MRI1: variants seen among roughly 807,000 people sequenced by gnomAD.
MRI1 encodes methylthioribose-1-phosphate isomerase 1, also known as methylthioribose-1-phosphate isomerase.
In MRI1, 32 loss-of-function variants were observed where a neutral mutation model predicts 27.3. The observed-to-expected ratio is 1.17, with a 90% CI of 0.88 to 1.57. The LOEUF (loss-of-function observed/expected upper bound fraction) is 1.57. MRI1 is among the 40% of genes most tolerant of loss of function. The probability of loss-of-function intolerance (pLI) is 0.00; values close to 1 mark genes in which losing one functional copy is unlikely to be tolerated. For missense variants in MRI1, 508 were observed against 516.1 expected, an observed-to-expected ratio of 0.98 and a Z score of 0.15; for synonymous variants, 216 against 227.4, an observed-to-expected ratio of 0.95 and a Z score of 0.45.
At chr19:13,770,808 G>A (rs1315062622) in intron 5 of MRI1, among the ~76,000 whole-genome samples, 4 of 151,966 alleles carry the variant, frequency 2.6e-5, no homozygotes, top group Non-Finnish European at 5.9e-5. Flanking sequence ...GCTTGAACCC[G>A]GGAGGCGGAG....
rs1015221494 is a variant in MRI1, at chr19:13,770,350, G to A, written c.949+1302G>A. ...CTATAATCCCAACACTTTGGGAGGC[G>A]GAGGTGGGCGGATCACTTGAGGTCA... On this transcript the variant is annotated intron_variant, in intron 5 of 5. Transcript: ENST00000040663. 4.6e-5 allele frequency among the ~76,000 whole-genome samples: 7 copies of A among 151,974 alleles called. No individual in the cohort carries two copies. In the South Asian group the frequency reaches 6.2e-4, roughly 14 times the overall value.
At position 13,768,664 on chromosome 19, in the gene MRI1, C is replaced by T; in HGVS notation, c.651C>T (p.Val217=). ...QGARLTAFEL[V]YEQIPATLIT... ...CCCGGCTGACGGCCTTTGAGCTGGT[C>T]TATGAGCAGATCCCCGCCACCCTTA... Residue 217 remains valine, a synonymous_variant, in exon 4 of 6, where the codon GTC becomes GTT. Coordinates refer to ENST00000040663, the MANE Select transcript of MRI1 (RefSeq NM_001031727.4). 6.2e-7 allele frequency: 1 copy of T among 1,613,972 alleles called. No homozygotes were observed. Among genetic ancestry groups the T allele is most frequent in the Non-Finnish European group, 8.5e-7 (1 of 1,180,012 alleles).
intron 5 of MRI1, among the ~76,000 whole-genome samples, chr19:13,770,782 C>T (rs1974253287): frequency 6.6e-6 from 1 of 152,018 alleles, no homozygotes. Context: ...ACTCAGGAGG[C>T]TGAGGCAGGA....
intron 3 of MRI1, 152 bp from the exon 4 acceptor site, chr19:13,768,409 A>G: frequency 1.3e-6 from 2 of 1,543,546 alleles, no homozygotes; most frequent in Non-Finnish European, 1.8e-6. Context: ...AGGCAGAGGG[A>G]ACTGCCACTG....
In MRI1 at chr19:13,768,949, T is replaced by C. The variant is rs764563972; in HGVS notation, c.850T>C (p.Ser284Pro). The change falls in exon 5 of 6, where the codon TCA (serine) becomes CCA (proline). Residue 284 changes from serine to proline, a missense_variant. Transcript: ENST00000040663. ...CTTCTACGTGGCTGCCCCCAGCTCT[T>C]CATGTGACCTCCGTCTGGAGACCGG... ...IPFYVAAPSS[S>P]CDLRLETGKE... 6.2e-7 allele frequency: 1 copy of C among 1,614,120 alleles called. No homozygotes were observed. Among genetic ancestry groups the C allele is most frequent in the South Asian group, 1.1e-5 (1 of 91,076 alleles).
In MRI1 at chr19:13,774,279, G is replaced by A. The variant is rs1444248972; in HGVS notation, c.*1998G>A. 1.8e-6 allele frequency: 1 copy of A among 562,754 alleles called. No homozygotes were observed. Among genetic ancestry groups the A allele is most frequent in the Non-Finnish European group, 3.1e-6 (1 of 319,140 alleles). 34.9% of individuals were successfully genotyped at this position (562,754 alleles called of 1,614,324 possible). The stretch of plus-strand genomic sequence containing the variant: ...TCTCAATAAACGTTAGCTTATCATT[G>A]TCACCGTTTTGTTCGTAATGTTTGA... On this transcript the variant is annotated 3_prime_UTR_variant, in exon 6 of 6. Coordinates refer to ENST00000040663, the MANE Select transcript of MRI1 (RefSeq NM_001031727.4).
rs761530124 is a variant in MRI1 at position 13,768,507 on chromosome 19, C to G, written c.548-54C>G. 3.1e-6 allele frequency: 5 copies of G among 1,593,424 alleles called. No homozygotes were observed. The South Asian group carries it at 3.4e-5, about 11-fold the overall frequency. On this transcript the variant is annotated intron_variant, in intron 3 of 5. Coordinates refer to ENST00000040663, the MANE Select transcript of MRI1 (RefSeq NM_001031727.4). The stretch of plus-strand genomic sequence containing the variant: ...CCTGCACCCCTAACCAATGGACCAC[C>G]CTGTCTGTTTGCCCCTCCCCGGGGC...
Position 13,768,338 on chromosome 19 carries a change from G to A in MRI1, c.548-223G>A, listed in dbSNP as rs372934503. Reference sequence around the variant, plus strand: ...CTGATATATCAGGGAAGGCTTCACCGAGAAGGTGTCCTTTAAACAGACGTG... The same window carrying A: ...CTGATATATCAGGGAAGGCTTCACCAAGAAGGTGTCCTTTAAACAGACGTG... On this transcript the variant is annotated intron_variant, in intron 3 of 5. Transcript: ENST00000040663. 134 of 1,206,064 alleles carry A rather than the reference G, an allele frequency of 1.1e-4. No individual in the cohort carries two copies. In the African/African-American group the frequency reaches 1.4e-3, roughly 13 times the overall value. 74.7% of individuals were successfully genotyped at this position (1,206,064 alleles called of 1,614,324 possible).
intron 5 of MRI1, among the ~76,000 whole-genome samples, chr19:13,771,510 G>A (rs1568311994): frequency 6.6e-6 from 1 of 152,020 alleles, no homozygotes; most frequent in Non-Finnish European, 1.5e-5. Flanking sequence ...CAGCCTGGGT[G>A]ACACAACGAG....
rs1170108927 is a variant in MRI1, at chr19:13,767,861, C to CTTTTTTTTTTTTTTTTT, written c.548-691_548-675dup. ...TCTTTTCAAGTATTTTCTTTCTTTCCTTTTTTTTTTTTTTTTTTTTTTTTT... is the reference window on the plus strand; with the variant it reads ...TCTTTTCAAGTATTTTCTTTCTTTCCTTTTTTTTTTTTTTTTTTTTTTTTTTTTTTTTTTTTTTTTTT... On this transcript the variant is annotated intron_variant, in intron 3 of 5. Coordinates refer to ENST00000040663, the MANE Select transcript of MRI1 (RefSeq NM_001031727.4). Among the ~76,000 whole-genome samples, 35 of 61,082 alleles carry CTTTTTTTTTTTTTTTTT rather than the reference C, an allele frequency of 5.7e-4. 1 individual carries two copies. The highest frequency in any genetic ancestry group is 8.1e-4 in the Non-Finnish European group (29 of 35,818). 40.1% of individuals were successfully genotyped at this position (61,082 alleles called of 152,430 possible). A position where few individuals can be genotyped will look rare whatever the true frequency, so the allele number is the denominator to read the frequency against.
At chr19:13,771,568 AT>A (rs1380210060) in intron 5 of MRI1, among the ~76,000 whole-genome samples, 3 of 152,008 alleles carry the variant, frequency 2.0e-5, no homozygotes, top group Non-Finnish European at 1.5e-5. Context: ...AACTAAAAAA[AT>A]AAGTGGGATG....
At position 13,769,063 on chromosome 19, in the gene MRI1, C is replaced by T; in HGVS notation, c.949+15C>T. ...TGCAGCACCTGGTAAGCTGCCCCCTCAGAAAGGGGACACCCCAGCTCCTGG... is the reference window on the plus strand; with the variant it reads ...TGCAGCACCTGGTAAGCTGCCCCCTTAGAAAGGGGACACCCCAGCTCCTGG... On this transcript the variant is annotated intron_variant, in intron 5 of 5. Transcript: ENST00000040663. The T allele has an allele frequency of 6.3e-7, 1 of 1,589,214 alleles. No individual in the cohort carries two copies. Among genetic ancestry groups the T allele is most frequent in the African/African-American group, 1.3e-5 (1 of 74,644 alleles).
chr19:13,768,904 G>A lies in MRI1; in HGVS notation c.805G>A (p.Ala269Thr), dbSNP rs777887853. 1.9e-5 allele frequency: 30 copies of A among 1,613,920 alleles called. No homozygotes were observed. The highest frequency in any genetic ancestry group is 6.7e-5 in the Admixed American group (4 of 59,990). ...KVGTYQLAIV[A>T]KHHGIPFYVA... The stretch of plus-strand genomic sequence containing the variant: ...GGGCACCTACCAGCTGGCCATTGTC[G>A]CCAAGCACCATGGCATTCCCTTCTA... The change falls in exon 5 of 6, where the codon GCC becomes ACC. Residue 269 changes from alanine (A) to threonine (T), a missense_variant. Transcript: ENST00000040663.
In MRI1 at chr19:13,765,074, A is replaced by G; in HGVS notation, c.336A>G (p.Glu112=). 1.3e-6 allele frequency: 2 copies of G among 1,531,342 alleles called. No individual in the cohort carries two copies. Among genetic ancestry groups the G allele is most frequent in the East Asian group, 2.5e-5 (1 of 39,484 alleles). 94.9% of individuals were successfully genotyped at this position (1,531,342 alleles called of 1,614,324 possible). ...DLADVAAREA[E]REGATEEAVR... Reference sequence around the variant, plus strand: ...CTGATGTTGCAGCCCGGGAGGCCGAACGGGAGGGCGCTACGGAAGAGGCGG... The same window carrying G: ...CTGATGTTGCAGCCCGGGAGGCCGAGCGGGAGGGCGCTACGGAAGAGGCGG... Residue 112 remains glutamate, a synonymous_variant, in exon 2 of 6, where the codon GAA becomes GAG. Coordinates refer to ENST00000040663, the MANE Select transcript of MRI1 (RefSeq NM_001031727.4).
intron 3 of MRI1, among the ~76,000 whole-genome samples, chr19:13,767,369 T>G (rs1398587767): frequency 6.6e-6 from 1 of 152,000 alleles, no homozygotes; most frequent in East Asian, 1.9e-4. Flanking sequence ...TTAAATCGTG[T>G]CTAGATTGCA....
At chr19:13,767,094 G>A (rs1974154506) in intron 3 of MRI1, among the ~76,000 whole-genome samples, 1 of 128,596 alleles carries the variant, frequency 7.8e-6, no homozygotes, top group Admixed American at 9.6e-5. Context: ...TGTCGCCCAG[G>A]CTGGTGCAGT....
At chr19:13,770,913 A>T (rs1974256175) in intron 5 of MRI1, among the ~76,000 whole-genome samples, 1 of 152,022 alleles carries the variant, frequency 6.6e-6, no homozygotes, top group Non-Finnish European at 1.5e-5. Context: ...CAGTTCATGA[A>T]ATATTAGCAT....
At chr19:13,767,195 A>C (rs1974156552) in intron 3 of MRI1, among the ~76,000 whole-genome samples, 1 of 150,982 alleles carries the variant, frequency 6.6e-6, no homozygotes, top group Admixed American at 6.6e-5. Context: ...TATAGGCGTG[A>C]GCCACTACGC....
intron 3 of MRI1, among the ~76,000 whole-genome samples, chr19:13,767,023 ATATATATATATATATTTTTTTTTTT>A (rs1157268996): frequency 1.0e-3 from 13 of 12,950 alleles, no homozygotes; most frequent in African/African-American, 5.1e-3. Context: ...ATATATATAT[ATATATATATATATATTTTTTTTTTT>A]TTTTTTTTTT....
Sources: gnomAD v4.1 joint callset for allele counts (sites outside exome capture counted in the v4.1 genomes callset) on GRCh38, gnomAD v4.1.1 for gene constraint, MANE v1.5 for transcripts, NCBI Gene and HGNC (gene_info 2026-07-23, HGNC 2026-07-21) for gene names.